The following SETBP1 variants were observed in gnomAD, a reference collection of about 807,000 sequenced individuals.
The protein encoded by SETBP1 is SET-binding protein.
In SETBP1, 9 loss-of-function variants were observed where a neutral mutation model predicts 101.0. That is an observed-to-expected ratio of 0.09 (90% CI 0.05 to 0.16). The LOEUF (loss-of-function observed/expected upper bound fraction) is 0.16. Ranked by LOEUF, SETBP1 falls within the 10% of genes least tolerant of loss-of-function variation. SETBP1 has a pLI of 1.00. For synonymous variants in SETBP1, 818 were observed against 788.5 expected (o/e 1.04, Z -0.63); for missense variants, 1,858 against 2,033.8 (o/e 0.91, Z 1.66).
chr18:44,924,821 A>T (rs965900420), intron 3 of SETBP1, among the ~76,000 whole-genome samples: 2 of 152,186 alleles, frequency 1.3e-5, no homozygotes, highest in Admixed American at 1.3e-4. Flanking sequence ...ATTAAGCTAG[A>T]TACCCCATTA....
At chr18:44,752,282 A>G (rs565438282) in intron 2 of SETBP1, among the ~76,000 whole-genome samples, 21 of 152,362 alleles carry the variant, frequency 1.4e-4, no homozygotes, top group African/African-American at 4.8e-4. Flanking sequence ...ATTGATCATT[A>G]CATTGATTGG....
chr18:44,918,810 G>T (rs1195247582), intron 3 of SETBP1, among the ~76,000 whole-genome samples: 1 of 152,210 alleles, frequency 6.6e-6, no homozygotes, highest in Non-Finnish European at 1.5e-5. Context: ...TTAAATCTGA[G>T]GTGATGATCT....
At chr18:44,943,257 C>G (rs2071125990) in intron 3 of SETBP1, among the ~76,000 whole-genome samples, 1 of 152,198 alleles carries the variant, frequency 6.6e-6, no homozygotes, top group Non-Finnish European at 1.5e-5. Flanking sequence ...ATCTCTGTCT[C>G]TCAAATGAAA....
At chr18:44,734,959 G>A (rs1049420008) in intron 2 of SETBP1, among the ~76,000 whole-genome samples, 13 of 152,068 alleles carry the variant, frequency 8.5e-5, no homozygotes, top group African/African-American at 2.9e-4. Flanking sequence ...AGACAATATC[G>A]AAGTGTGTTA....
chr18:45,046,140 A>T (rs2073607727), intron 5 of SETBP1, among the ~76,000 whole-genome samples: 1 of 152,224 alleles, frequency 6.6e-6, no homozygotes, highest in Admixed American at 6.5e-5. Context: ...GGACCAAAGG[A>T]TCGCATAGTC....
At chr18:44,851,735 G>C (rs965503141) in intron 2 of SETBP1, among the ~76,000 whole-genome samples, 3 of 152,056 alleles carry the variant, frequency 2.0e-5, no homozygotes, top group African/African-American at 7.2e-5. Context: ...TCCTTCATGA[G>C]TCTAACATTG....
At chr18:45,045,367 G>A (rs573862289) in intron 5 of SETBP1, among the ~76,000 whole-genome samples, 2 of 152,296 alleles carry the variant, frequency 1.3e-5, no homozygotes, top group East Asian at 3.9e-4. Flanking sequence ...GGAGGCGGAG[G>A]TTGTAGTGAG....
At chr18:45,052,201 C>T (rs1311723315) in intron 5 of SETBP1, among the ~76,000 whole-genome samples, 5 of 152,134 alleles carry the variant, frequency 3.3e-5, no homozygotes, top group African/African-American at 9.7e-5. Context: ...TTACGAAGAG[C>T]GTTCATATAG....
At chr18:44,961,375 C>A (rs996599733) in intron 4 of SETBP1, among the ~76,000 whole-genome samples, 1 of 152,180 alleles carries the variant, frequency 6.6e-6, no homozygotes, top group East Asian at 1.9e-4. Flanking sequence ...TATTTGATGT[C>A]TCATATGTTT....
intron 3 of SETBP1, among the ~76,000 whole-genome samples, chr18:44,908,407 A>G (rs1393526332): frequency 1.3e-5 from 2 of 151,726 alleles, no homozygotes; most frequent in Non-Finnish European, 2.9e-5. Context: ...CTTCTTTTGC[A>G]TGTGTATATC....
intron 2 of SETBP1, among the ~76,000 whole-genome samples, chr18:44,732,083 T>C (rs957480072): frequency 2.0e-5 from 3 of 152,206 alleles, no homozygotes; most frequent in African/African-American, 7.2e-5. Context: ...TAGTTCTATT[T>C]GATGAGCAAT....
chr18:44,995,135 C>CT (rs58617770), intron 4 of SETBP1, among the ~76,000 whole-genome samples: 6,658 of 94,954 alleles, frequency 0.07, 317 homozygotes, highest in Non-Finnish European at 0.1. Context: ...ATGTTATTTA[C>CT]TTTTTTTTTT....
chr18:44,844,685 G>A (rs1281841862), intron 2 of SETBP1, among the ~76,000 whole-genome samples: 3 of 152,036 alleles, frequency 2.0e-5, no homozygotes, highest in Admixed American at 1.3e-4. Context: ...AGCGGGAGGG[G>A]CAGGCTCAGA....
intron 5 of SETBP1, among the ~76,000 whole-genome samples, chr18:45,048,012 T>C (rs575765454): frequency 2.6e-5 from 4 of 152,314 alleles, no homozygotes; most frequent in Middle Eastern, 3.4e-3. Flanking sequence ...CAAGGGACTT[T>C]TGCCAAACAC....
chr18:44,971,523 C>T (rs1282461860), intron 4 of SETBP1, among the ~76,000 whole-genome samples: 6 of 152,212 alleles, frequency 3.9e-5, no homozygotes, highest in Non-Finnish European at 1.5e-5. Flanking sequence ...TTCTCCACAT[C>T]CTCTCCAGCA....
At chr18:44,849,357 G>T (rs573415403) in intron 2 of SETBP1, among the ~76,000 whole-genome samples, 2 of 152,090 alleles carry the variant, frequency 1.3e-5, no homozygotes, top group Non-Finnish European at 2.9e-5. Flanking sequence ...AAGTTTTAAG[G>T]CTGGTCCTAT....
chr18:44,909,387 A>G (rs1823144861), intron 3 of SETBP1, among the ~76,000 whole-genome samples: 2 of 152,182 alleles, frequency 1.3e-5, no homozygotes, highest in Admixed American at 1.3e-4. Flanking sequence ...CTCGGCTGTC[A>G]TTTGTTCTCC....
Position 44,950,610 on chromosome 18 carries a change from A to G in SETBP1, c.1270A>G (p.Ile424Val). 2 of 1,614,152 alleles carry G rather than the reference A, an allele frequency of 1.2e-6. No individual in the cohort carries two copies. The highest frequency in any genetic ancestry group is 1.7e-6 in the Non-Finnish European group (2 of 1,180,038). ...TNHKRKKRQS[I>V]KAVVEKIMPE... is the part of the protein sequence containing the mutation. Reference sequence around the variant, plus strand: ...CCATAAGAGGAAAAAAAGACAGTCCATTAAAGCGGTGGTGGAAAAGATCAT... The same window carrying G: ...CCATAAGAGGAAAAAAAGACAGTCCGTTAAAGCGGTGGTGGAAAAGATCAT... Residue 424 changes from isoleucine to valine, a missense_variant, in exon 4 of 6, where the codon ATT becomes GTT. Physicochemically the swap from Ile to Val is conservative, Grantham distance 29. Coordinates refer to ENST00000649279, the MANE Select transcript of SETBP1 (RefSeq NM_015559.3).
intron 2 of SETBP1, among the ~76,000 whole-genome samples, chr18:44,862,426 A>C (rs543553227): frequency 6.6e-6 from 1 of 152,236 alleles, no homozygotes; most frequent in Admixed American, 6.5e-5. Context: ...AAAAGGACAC[A>C]GTTCAGCTAG....
Sources: allele counts gnomAD v4.1 joint callset (sites outside exome capture counted in the v4.1 genomes callset), GRCh38; gene constraint gnomAD v4.1.1; transcripts MANE v1.5; gene names NCBI Gene and HGNC (gene_info 2026-07-23, HGNC 2026-07-21).